Variants in MTA1 observed in about 807,000 individuals in gnomAD.
MTA1 encodes metastasis-associated protein MTA1.
MTA1 carries 15 observed loss-of-function variants against 97.0 expected under a neutral mutation model. That is an observed-to-expected ratio of 0.15 (90% CI 0.10 to 0.24). MTA1 has a LOEUF of 0.24. Ranked by LOEUF, MTA1 falls within the 10% of genes least tolerant of loss-of-function variation. The probability of loss-of-function intolerance (pLI) is 1.00; values close to 1 mark genes in which losing one functional copy is unlikely to be tolerated. For synonymous variants in MTA1, 435 were observed against 417.5 expected, an observed-to-expected ratio of 1.04 and a Z score of -0.51; for missense variants, 709 against 1,015.1, an observed-to-expected ratio of 0.70 and a Z score of 4.10.
chr14:105,461,879 A>C (rs1282422113), intron 10 of MTA1, among the ~76,000 whole-genome samples: 3 of 152,216 alleles, frequency 2.0e-5, no homozygotes, highest in Non-Finnish European at 4.4e-5. Context: ...GGCCTCTCCA[A>C]GGCGGATACG....
Position 105,470,302 on chromosome 14 carries a change from G to C in MTA1, c.*87G>C. 8.7e-7 allele frequency: 1 copy of C among 1,152,710 alleles called. No homozygotes were observed. The highest frequency in any genetic ancestry group is 1.1e-6 in the Non-Finnish European group (1 of 901,174). The allele number at this position is 1,152,710 out of a possible 1,614,324, so 71.4% of individuals were successfully genotyped here. A position where few individuals can be genotyped will look rare whatever the true frequency, so the allele number is the denominator to read the frequency against. On this transcript the variant is annotated 3_prime_UTR_variant, in exon 21 of 21. Coordinates refer to ENST00000331320, the MANE Select transcript of MTA1 (RefSeq NM_004689.4). ...CAGCCCGCCGCCCGCCCCTCAGTTT[G>C]GTAGTGCCCCACCTCCCGCCCTCAC...
Position 105,458,223 on chromosome 14 carries a change from C to T in MTA1, c.551-47C>T, listed in dbSNP as rs782722384. On this transcript the variant is annotated intron_variant, in intron 7 of 20. Coordinates refer to ENST00000331320, the MANE Select transcript of MTA1 (RefSeq NM_004689.4). ...CCCGGGGAGGAGAGGCGCGGCCCGG[C>T]GCGCCGTGGGACCCCGTCTCAGAAA... The T allele has an allele frequency of 3.6e-5, 55 of 1,546,326 alleles. No individual in the cohort carries two copies. In the Middle Eastern group the frequency reaches 8.5e-4, roughly 24 times the overall value.
rs1555431520 is a variant in MTA1, at chr14:105,463,427, C to T, written c.1018-66C>T. 1.2e-5 allele frequency: 19 copies of T among 1,569,064 alleles called. No individual in the cohort carries two copies. Among genetic ancestry groups the T allele is most frequent in the East Asian group, 2.2e-5 (1 of 44,656 alleles). On this transcript the variant is annotated intron_variant, in intron 11 of 20. Transcript: ENST00000331320. The surrounding 1 kb of genome is among the most constrained non-coding windows in gnomAD (Gnocchi z 5.9). ...TGCTCTCCTCTCCGTAGCCTCCAGC[C>T]TGTCTGCACTGCAGCCCCAACCTGG...
rs1326991578 is a variant in MTA1, at chr14:105,469,498, G to A, written c.1845G>A (p.Met615Ile). The A allele has an allele frequency of 6.2e-7, 1 of 1,612,714 alleles. No homozygotes were observed. Among genetic ancestry groups the A allele is most frequent in the African/African-American group, 1.3e-5 (1 of 75,024 alleles). The part of the protein sequence containing the change: ...GLANHGQARH[M>I]GPSRNLLLNG... ...CAAACCACGGACAGGCCAGGCACAT[G>A]GTAAGAGGAACAACCCATGATGGGG... The change falls in exon 19 of 21, where the codon ATG becomes ATA. Residue 615 changes from methionine to isoleucine, a missense_variant and splice_region_variant. By Grantham distance (10) the Met-to-Ile change is conservative. Coordinates refer to ENST00000331320, the MANE Select transcript of MTA1 (RefSeq NM_004689.4).
rs912404458 is a variant in MTA1 at position 105,424,354 on chromosome 14, T to C, written c.28+4291T>C. On this transcript the variant is annotated intron_variant, in intron 1 of 20. Transcript: ENST00000331320. This position sits in a 1 kb window ranked among gnomAD's most constrained non-coding sequence, Gnocchi z 4.0. ...GACTACAGGCGCCCGCCACCATGCC[T>C]GGCTAATGTTTTGTAATTTTTTTTT... is the stretch of plus-strand genomic sequence containing the variant. Among the ~76,000 whole-genome samples, 21 of 152,104 alleles carry C rather than the reference T, an allele frequency of 1.4e-4. No individual in the cohort carries two copies. The highest frequency in any genetic ancestry group is 4.3e-4 in the African/African-American group (18 of 41,518).
chr14:105,424,562 C>T lies in MTA1; in HGVS notation c.28+4499C>T, dbSNP rs782211777. ...CCAGGCTGGAGTGCAGTGGCACAATCGCGGCTCACTGCAACCTCCGCCTCC... is the reference window on the plus strand; with the variant it reads ...CCAGGCTGGAGTGCAGTGGCACAATTGCGGCTCACTGCAACCTCCGCCTCC... On this transcript the variant is annotated intron_variant, in intron 1 of 20. Transcript: ENST00000331320. This position sits in a 1 kb window ranked among gnomAD's most constrained non-coding sequence, Gnocchi z 4.0. Among the ~76,000 whole-genome samples, 6 of 150,916 alleles carry T rather than the reference C, an allele frequency of 4.0e-5. No homozygotes were observed. Among genetic ancestry groups the T allele is most frequent in the Non-Finnish European group, 7.4e-5 (5 of 67,886 alleles).
Position 105,449,361 on chromosome 14 carries a change from C to A in MTA1, c.193C>A (p.Leu65Met). 6.2e-7 allele frequency: 1 copy of A among 1,612,430 alleles called. No individual in the cohort carries two copies. The highest frequency in any genetic ancestry group is 1.3e-5 in the African/African-American group (1 of 75,026). ...GGTGCTGTCTGTCTGTTATATAGCC[C>A]TGTCAGTCTGCTATAAGGCCGGACC... ...LIALADKHAT[L>M]SVCYKAGPGA... The change falls in exon 4 of 21, where the codon CTG (leucine) becomes ATG (methionine). Residue 65 changes from leucine to methionine, a missense_variant and splice_region_variant. Coordinates refer to ENST00000331320, the MANE Select transcript of MTA1 (RefSeq NM_004689.4).
At position 105,464,792 on chromosome 14, in the gene MTA1, A is replaced by G. The variant is rs782233871; in HGVS notation, c.1463A>G (p.Glu488Gly). Reference sequence around the variant, plus strand: ...CGGATCGCCCGGCGCCTGTGCCGTGAGATCCTGCGCCCGTGGCACGCTGCG... The same window carrying G: ...CGGATCGCCCGGCGCCTGTGCCGTGGGATCCTGCGCCCGTGGCACGCTGCG... ...LTRIARRLCR[E>G]ILRPWHAARH... The change falls in exon 15 of 21, where the codon GAG becomes GGG. Residue 488 changes from glutamate to glycine, a missense_variant. Glu to Gly is a moderately conservative substitution (Grantham distance 98). This residue lies in a region of MTA1 where 388 missense variants were observed against 421.6 expected (regional missense o/e 0.92). Transcript: ENST00000331320. The G allele has an allele frequency of 2.9e-5, 46 of 1,606,374 alleles. No homozygotes were observed. The highest frequency in any genetic ancestry group is 3.9e-5 in the Non-Finnish European group (46 of 1,175,042).
intron 1 of MTA1, among the ~76,000 whole-genome samples, chr14:105,435,943 G>T (rs2082312267): frequency 6.6e-6 from 1 of 152,070 alleles, no homozygotes; most frequent in African/African-American, 2.4e-5. Flanking sequence ...TGTCAGTCTG[G>T]CTATAGATTT....
At chr14:105,446,102 C>CG (rs1272382368) in intron 3 of MTA1, among the ~76,000 whole-genome samples, 4 of 152,162 alleles carry the variant, frequency 2.6e-5, no homozygotes, top group African/African-American at 4.8e-5. Flanking sequence ...AACAGGTGCT[C>CG]GCAGGTGGTG....
chr14:105,446,791 G>A (rs938027139), intron 3 of MTA1, among the ~76,000 whole-genome samples: 3 of 152,246 alleles, frequency 2.0e-5, no homozygotes, highest in Non-Finnish European at 4.4e-5. Context: ...CCGAGCCTGG[G>A]TCCACTCTGG....
At chr14:105,451,158 G>A (rs908558108) in intron 6 of MTA1, among the ~76,000 whole-genome samples, 2 of 152,352 alleles carry the variant, frequency 1.3e-5, no homozygotes, top group East Asian at 3.9e-4. Context: ...CATCCCAGGG[G>A]GGCTCATCTC....
chr14:105,440,093 G>C (rs587660927), intron 2 of MTA1, among the ~76,000 whole-genome samples: 1 of 152,314 alleles, frequency 6.6e-6, no homozygotes, highest in African/African-American at 2.4e-5. Context: ...TGAGGGCCAG[G>C]CCTGTTTGTT....
chr14:105,446,221 CCAGA>C (rs1439670518), intron 3 of MTA1, among the ~76,000 whole-genome samples: 1 of 152,176 alleles, frequency 6.6e-6, no homozygotes, highest in African/African-American at 2.4e-5. Context: ...CCCACCTGCA[CCAGA>C]CACAGTGTGG....
At position 105,449,342 on chromosome 14, in the gene MTA1, G is replaced by A; in HGVS notation, c.191-17G>A. 3 of 1,611,106 alleles carry A rather than the reference G, an allele frequency of 1.9e-6. No homozygotes were observed. Among genetic ancestry groups the A allele is most frequent in the Non-Finnish European group, 2.5e-6 (3 of 1,178,848 alleles). ...TGTGCTGACCGTGCTGCCGGGTGCT[G>A]TCTGTCTGTTATATAGCCCTGTCAG... On this transcript the variant is annotated splice_polypyrimidine_tract_variant and intron_variant, in intron 3 of 20. Coordinates refer to ENST00000331320, the MANE Select transcript of MTA1 (RefSeq NM_004689.4).
chr14:105,466,426 A>AGGGGGGGGGGG lies in MTA1; in HGVS notation c.1626_1627insGGGGGGGGGGG (p.Thr543GlyfsTer15). On this transcript the variant is annotated frameshift_variant and splice_region_variant, in exon 17 of 21. Transcript: ENST00000331320. LOFTEE classifies it high-confidence loss of function. The stretch of plus-strand genomic sequence containing the variant: ...GTTCTGCCTGTGTCATTCCCGGCAG[A>AGGGGGGGGGGG]GACCCACCCCCGCCCCCCCAAGCCT... The AGGGGGGGGGGG allele has an allele frequency of 8.8e-6, 13 of 1,484,120 alleles. No homozygotes were observed. Among genetic ancestry groups the AGGGGGGGGGGG allele is most frequent in the East Asian group, 2.4e-5 (1 of 42,422 alleles). The allele number at this position is 1,484,120 out of a possible 1,614,324, so 91.9% of individuals were successfully genotyped here.
At chr14:105,456,203 G>A (rs587681158) in intron 7 of MTA1, among the ~76,000 whole-genome samples, 2 of 152,392 alleles carry the variant, frequency 1.3e-5, no homozygotes, top group East Asian at 1.9e-4. Context: ...AGGTGGAAAG[G>A]CAGAGTCCGT....
At chr14:105,460,308 G>A (rs1555430692) in intron 8 of MTA1, 50 bp from the exon 9 acceptor site, 1 of 1,527,992 alleles carries the variant, frequency 6.5e-7, no homozygotes. Flanking sequence ...TGTGCCTGTG[G>A]GGAGTCCCTG....
rs372041608 is a variant in MTA1, at chr14:105,466,444, C to G, written c.1643C>G (p.Pro548Arg). ...CCGGCAGAGACCCACCCCCGCCCCC[C>G]CAAGCCTGACCCCGTGAAAAGCGTG... is the stretch of plus-strand genomic sequence containing the variant. ...LRYLETHPRP[P>R]KPDPVKSVSS... The change falls in exon 17 of 21, where the codon CCC (proline) becomes CGC (arginine). Residue 548 changes from proline (P) to arginine (R), a missense_variant. By Grantham distance (103) the Pro-to-Arg change is moderately radical. Coordinates refer to ENST00000331320, the MANE Select transcript of MTA1 (RefSeq NM_004689.4). 33 of 1,595,634 alleles carry G rather than the reference C, an allele frequency of 2.1e-5. No individual in the cohort carries two copies. In the African/African-American group the frequency reaches 2.2e-4, roughly 10 times the overall value.
Sources: gnomAD v4.1 joint callset for allele counts (sites outside exome capture counted in the v4.1 genomes callset) on GRCh38, gnomAD v4.1.1 for gene constraint, gnomAD v4.1.1 regional missense constraint, Gnocchi (gnomAD v3.1) non-coding constraint, MANE v1.5 for transcripts, NCBI Gene and HGNC (gene_info 2026-07-23, HGNC 2026-07-21) for gene names.